NRG1: variants seen among roughly 807,000 people sequenced by gnomAD.
NRG1 encodes the protein pro-neuregulin-1, membrane-bound isoform.
NRG1 carries 18 observed loss-of-function variants against 63.8 expected under a neutral mutation model. The observed-to-expected ratio is 0.28, with a 90% CI of 0.19 to 0.42. The LOEUF is 0.42. NRG1 is among the 10% of genes least tolerant of loss of function. The probability of loss-of-function intolerance (pLI) is 1.00; values close to 1 mark genes in which losing one functional copy is unlikely to be tolerated. For synonymous variants in NRG1, 302 were observed against 301.3 expected, an observed-to-expected ratio of 1.00 and a Z score of -0.02; for missense variants, 762 against 814.7, an observed-to-expected ratio of 0.94 and a Z score of 0.79.
intron 1 of NRG1, among the ~76,000 whole-genome samples, chr8:31,785,639 A>C (rs559011671): frequency 6.6e-6 from 1 of 152,124 alleles, no homozygotes; most frequent in Non-Finnish European, 1.5e-5. Flanking sequence ...AATCCCCATC[A>C]CTTCATTTAA....
rs552562713 is a variant in NRG1 at position 31,997,528 on chromosome 8, AC to A, written c.37+358098del. 4.1e-3 allele frequency among the ~76,000 whole-genome samples: 619 copies of A among 152,168 alleles called. 3 individuals are homozygous for A. The highest frequency in any genetic ancestry group is 0.014 in the African/African-American group (593 of 41,564). On this transcript the variant is annotated intron_variant, in intron 1 of 10. Transcript: ENST00000519301. ...TCATCACTTCATTTAATCATCAAAAACAATTCTGCAAACTGATATTATTTTT... is the reference window on the plus strand; with the variant it reads ...TCATCACTTCATTTAATCATCAAAAAAATTCTGCAAACTGATATTATTTTT...
intron 1 of NRG1, among the ~76,000 whole-genome samples, chr8:32,393,698 C>T (rs1332946452): frequency 1.3e-5 from 2 of 149,534 alleles, no homozygotes; most frequent in African/African-American, 5.0e-5. Context: ...TACATGGACA[C>T]ATAGAGGCAA....
At chr8:31,641,101 G>T (rs111580344) in intron 1 of NRG1, among the ~76,000 whole-genome samples, 1 of 152,150 alleles carries the variant, frequency 6.6e-6, no homozygotes, top group Non-Finnish European at 1.5e-5. Flanking sequence ...AAGGAGGAAG[G>T]GTGAGTCCCG....
intron 1 of NRG1, among the ~76,000 whole-genome samples, chr8:31,836,784 A>G (rs1825729112): frequency 6.6e-6 from 1 of 152,096 alleles, no homozygotes. Flanking sequence ...CAAATACATT[A>G]TAAGATAATT....
chr8:31,713,380 T>C (rs972798945), intron 1 of NRG1, among the ~76,000 whole-genome samples: 7 of 152,106 alleles, frequency 4.6e-5, no homozygotes, highest in Non-Finnish European at 8.8e-5. Flanking sequence ...CCTCCCAAAG[T>C]GCTGGGATTA....
chr8:32,344,586 G>A (rs1804616958), intron 1 of NRG1, among the ~76,000 whole-genome samples: 1 of 143,330 alleles, frequency 7.0e-6, no homozygotes, highest in Non-Finnish European at 1.5e-5. Context: ...ACAGGCACAT[G>A]TCACTACACT....
intron 1 of NRG1, among the ~76,000 whole-genome samples, chr8:32,498,422 G>T (rs34694292): frequency 0.053 from 8,031 of 152,296 alleles, 284 homozygotes; most frequent in Middle Eastern, 0.086. Flanking sequence ...TTACAATCAT[G>T]GCAGAAGGAG....
chr8:31,865,006 G>C (rs189483912), intron 1 of NRG1, among the ~76,000 whole-genome samples: 5 of 152,126 alleles, frequency 3.3e-5, no homozygotes, highest in Admixed American at 1.3e-4. Flanking sequence ...TATACTTCTA[G>C]CATGCTTTGC....
chr8:31,661,214 A>T (rs1805959827), intron 1 of NRG1, among the ~76,000 whole-genome samples: 1 of 152,196 alleles, frequency 6.6e-6, no homozygotes, highest in African/African-American at 2.4e-5. Context: ...ATAATGCCAT[A>T]TTAATCTATT....
At chr8:32,704,929 A>G (rs1018253421) in intron 5 of NRG1, among the ~76,000 whole-genome samples, 11 of 152,136 alleles carry the variant, frequency 7.2e-5, no homozygotes, top group African/African-American at 2.7e-4. Flanking sequence ...GTCATTCGAG[A>G]TTTGTGATCA....
chr8:32,344,182 C>CCCATT (rs1804433838), intron 1 of NRG1, among the ~76,000 whole-genome samples: 1 of 152,216 alleles, frequency 6.6e-6, no homozygotes, highest in African/African-American at 2.4e-5. Flanking sequence ...GATAGCATTA[C>CCCATT]TTTAATTTTA....
intron 1 of NRG1, among the ~76,000 whole-genome samples, chr8:32,462,780 T>G (rs1822487290): frequency 6.6e-6 from 1 of 151,906 alleles, no homozygotes; most frequent in Non-Finnish European, 1.5e-5. Flanking sequence ...ACTTTTATAT[T>G]TTGGGTAGAG....
chr8:32,251,409 A>G (rs1849091463), intron 1 of NRG1, among the ~76,000 whole-genome samples: 1 of 152,110 alleles, frequency 6.6e-6, no homozygotes, highest in African/African-American at 2.4e-5. Flanking sequence ...ATGGTTGCGT[A>G]GTATTTTGTG....
chr8:31,938,501 A>G (rs327345), intron 1 of NRG1, among the ~76,000 whole-genome samples: 136,709 of 152,066 alleles, frequency 0.9, 62,248 homozygotes, highest in African/African-American at 0.97. Flanking sequence ...AAATAAGGTT[A>G]TTTAACACCC....
At chr8:31,880,919 G>A (rs1395090422) in intron 1 of NRG1, among the ~76,000 whole-genome samples, 2 of 152,126 alleles carry the variant, frequency 1.3e-5, no homozygotes, top group African/African-American at 2.4e-5. Flanking sequence ...TGGAGTATAT[G>A]CATTTGTCTA....
intron 1 of NRG1, among the ~76,000 whole-genome samples, chr8:32,492,459 A>G (rs1021319457): frequency 2.6e-5 from 4 of 151,134 alleles, no homozygotes; most frequent in Non-Finnish European, 5.9e-5. Context: ...ACATCCATAT[A>G]GAAGACCTCT....
intron 5 of NRG1, among the ~76,000 whole-genome samples, chr8:32,681,142 G>A (rs1563932867): frequency 6.6e-6 from 1 of 152,074 alleles, no homozygotes; most frequent in African/African-American, 2.4e-5. Context: ...TACAAATGAA[G>A]ACTATGTCAG....
intron 6 of NRG1, among the ~76,000 whole-genome samples, chr8:32,737,037 A>G (rs1047670047): frequency 6.6e-6 from 1 of 152,190 alleles, no homozygotes; most frequent in Non-Finnish European, 1.5e-5. Flanking sequence ...ATTATTAACC[A>G]CAGTTTTTAT....
chr8:32,124,964 TC>T (rs1273329071), intron 1 of NRG1, among the ~76,000 whole-genome samples: 1 of 151,860 alleles, frequency 6.6e-6, no homozygotes, highest in East Asian at 1.9e-4. Flanking sequence ...TGAAACTAAA[TC>T]CCCATTTTGC....
Sources: allele counts gnomAD v4.1 joint callset (sites outside exome capture counted in the v4.1 genomes callset), GRCh38; gene constraint gnomAD v4.1.1; transcripts MANE v1.5; gene names NCBI Gene and HGNC (gene_info 2026-07-23, HGNC 2026-07-21).